Variants in PBX1 observed in about 807,000 individuals in gnomAD.
PBX1 encodes PBX homeobox 1.
Under a neutral mutation model 53.4 loss-of-function variants are expected in PBX1, and 6 were observed. That is an observed-to-expected ratio of 0.11 (90% CI 0.06 to 0.22). The LOEUF (loss-of-function observed/expected upper bound fraction) is 0.22. PBX1 is among the 10% of genes least tolerant of loss of function. The pLI is 1.00. For missense variants in PBX1, 251 were observed against 551.4 expected (o/e 0.46, Z 5.46); for synonymous variants, 204 against 212.3 (o/e 0.96, Z 0.34).
downstream of PBX1, among the ~76,000 whole-genome samples, chr1:164,852,623 C>T (rs552211738): frequency 6.6e-6 from 1 of 152,338 alleles, no homozygotes; most frequent in South Asian, 2.1e-4. Context: ...TCCTATGAGG[C>T]TCTGTCCAGA....
rs1324600459 is a variant in PBX1 at position 164,849,700 on chromosome 1, C to T, written c.*3024C>T. On this transcript the variant is annotated 3_prime_UTR_variant, in exon 9 of 9. Transcript: ENST00000420696. ...CTCCCTCTGGCATGGAATTGACGCC[C>T]GTGCAGTACATTTGCCAAGTGGCAC... 15 of 320,876 alleles carry T rather than the reference C, an allele frequency of 4.7e-5. No individual in the cohort carries two copies. The highest frequency in any genetic ancestry group is 1.0e-4 in the South Asian group (1 of 9,780). The allele number at this position is 320,876 out of a possible 1,614,324, so 19.9% of individuals were successfully genotyped here.
At chr1:164,853,613 C>T (rs1671908125), downstream of PBX1, among the ~76,000 whole-genome samples, 1 of 152,030 alleles carries the variant, frequency 6.6e-6, no homozygotes, top group Non-Finnish European at 1.5e-5. Flanking sequence ...AGAAACGACC[C>T]CTTTTTTCCG....
rs192946814 is a variant in PBX1 at position 164,720,927 on chromosome 1, T to C, written c.266-71567T>C. Among the ~76,000 whole-genome samples, 120 of 152,296 alleles carry C rather than the reference T, an allele frequency of 7.9e-4. 1 individual carries two copies. The highest frequency in any genetic ancestry group is 3.4e-3 in the Middle Eastern group (1 of 294). On this transcript the variant is annotated intron_variant, in intron 2 of 8. Transcript: ENST00000420696. ...TTTCCTTCCTGAGGTATATTTACAG[T>C]GACTGTGCCTTCATTGCAACAAATT...
chr1:164,775,955 C>T (rs1667621454), intron 2 of PBX1, among the ~76,000 whole-genome samples: 1 of 152,128 alleles, frequency 6.6e-6, no homozygotes. Context: ...GATGATATCA[C>T]AATTGAGGCC....
chr1:164,580,618 C>G (rs1250301642), intron 2 of PBX1, among the ~76,000 whole-genome samples: 1 of 150,784 alleles, frequency 6.6e-6, no homozygotes, highest in Non-Finnish European at 1.5e-5. Flanking sequence ...CTCTGGTTGC[C>G]CAGGCTAGAG....
chr1:164,781,622 C>T (rs902854841), intron 2 of PBX1, among the ~76,000 whole-genome samples: 1 of 152,116 alleles, frequency 6.6e-6, no homozygotes, highest in African/African-American at 2.4e-5. Flanking sequence ...CTCCTCACCA[C>T]CTACCACTGT....
At chr1:164,811,175 A>G (rs1456340138) in intron 5 of PBX1, among the ~76,000 whole-genome samples, 4 of 152,174 alleles carry the variant, frequency 2.6e-5, no homozygotes, top group Admixed American at 2.0e-4. Context: ...CCGGGCAGGA[A>G]TTATGGGGGT....
intron 5 of PBX1, among the ~76,000 whole-genome samples, chr1:164,808,258 G>A (rs1669447979): frequency 6.6e-6 from 1 of 152,142 alleles, no homozygotes; most frequent in Admixed American, 6.5e-5. Flanking sequence ...AACCATAACA[G>A]GTGGTGTCTG....
intron 8 of PBX1, among the ~76,000 whole-genome samples, chr1:164,832,572 G>A (rs1250995358): frequency 2.6e-5 from 4 of 152,130 alleles, no homozygotes; most frequent in African/African-American, 9.7e-5. Flanking sequence ...ATCAGCAGAG[G>A]TGGATTTTTA....
intron 2 of PBX1, among the ~76,000 whole-genome samples, chr1:164,707,418 T>TGAGAGAGAGA (rs528876002): frequency 2.5e-5 from 3 of 118,266 alleles, no homozygotes; most frequent in African/African-American, 1.1e-4. Context: ...TGTGTGTGTG[T>TGAGAGAGAGA]GAGAGAGAGA....
intron 2 of PBX1, among the ~76,000 whole-genome samples, chr1:164,570,894 C>T (rs888098426): frequency 9.9e-5 from 15 of 152,168 alleles, no homozygotes; most frequent in African/African-American, 1.4e-4. Flanking sequence ...TTAAGGATCG[C>T]CATTCTAACT....
At chr1:164,714,503 A>G (rs971276330) in intron 2 of PBX1, among the ~76,000 whole-genome samples, 6 of 152,150 alleles carry the variant, frequency 3.9e-5, no homozygotes, top group African/African-American at 1.4e-4. Flanking sequence ...CCTTCCTTAT[A>G]TCATTATTTT....
At chr1:164,669,247 G>A (rs1660986142) in intron 2 of PBX1, among the ~76,000 whole-genome samples, 1 of 152,096 alleles carries the variant, frequency 6.6e-6, no homozygotes. Context: ...ATGAGCAATT[G>A]GGGAGAAGAA....
At chr1:164,736,434 A>AT (rs1665276331) in intron 2 of PBX1, among the ~76,000 whole-genome samples, 3 of 151,878 alleles carry the variant, frequency 2.0e-5, no homozygotes, top group South Asian at 2.1e-4. Flanking sequence ...AGTGGGGTTC[A>AT]TTTTTTTAAT....
intron 2 of PBX1, among the ~76,000 whole-genome samples, chr1:164,624,484 A>G (rs114901219): frequency 0.014 from 2,154 of 152,308 alleles, 29 homozygotes; most frequent in Middle Eastern, 0.024. Flanking sequence ...TTCAGCTGGT[A>G]TCTTTCTTCC....
chr1:164,833,418 G>T (rs191694508), intron 8 of PBX1, among the ~76,000 whole-genome samples: 1 of 152,088 alleles, frequency 6.6e-6, no homozygotes, highest in African/African-American at 2.4e-5. Flanking sequence ...TTTGTTAGGG[G>T]CAAAGACGTT....
chr1:164,783,605 G>C (rs764896622), intron 2 of PBX1, among the ~76,000 whole-genome samples: 2 of 152,126 alleles, frequency 1.3e-5, no homozygotes, highest in African/African-American at 2.4e-5. Flanking sequence ...AAGCACTACT[G>C]TGTGCTTTTG....
At chr1:164,804,942 A>G (rs993139278) in intron 4 of PBX1, among the ~76,000 whole-genome samples, 1 of 152,224 alleles carries the variant, frequency 6.6e-6, no homozygotes. Flanking sequence ...AGTTTGTTTG[A>G]AGATGCTTGG....
At chr1:164,735,901 T>C (rs191655547) in intron 2 of PBX1, among the ~76,000 whole-genome samples, 36 of 152,298 alleles carry the variant, frequency 2.4e-4, no homozygotes, top group Non-Finnish European at 3.8e-4. Context: ...ATTCAAGCCA[T>C]AGCTGAGAGA....
Sources: allele counts gnomAD v4.1 joint callset (sites outside exome capture counted in the v4.1 genomes callset), GRCh38; gene constraint gnomAD v4.1.1; transcripts MANE v1.5; gene names NCBI Gene and HGNC (gene_info 2026-07-23, HGNC 2026-07-21).